The following SEMA5B variants were observed in gnomAD, a reference collection of about 807,000 sequenced individuals.
SEMA5B encodes semaphorin-5B.
In SEMA5B, 66 loss-of-function variants were observed where a neutral mutation model predicts 135.0. The observed-to-expected ratio is 0.49, with a 90% CI of 0.40 to 0.60. The LOEUF is 0.60. Among genes scored for constraint, SEMA5B ranks in the 20% least tolerant of loss-of-function variants. SEMA5B has a pLI of 0.00. For synonymous variants in SEMA5B, 690 were observed against 639.5 expected (o/e 1.08, Z -1.19); for missense variants, 1,501 against 1,566.3 (o/e 0.96, Z 0.70).
At chr3:123,000,704 C>T (rs900870963) in intron 1 of SEMA5B, among the ~76,000 whole-genome samples, 3 of 152,236 alleles carry the variant, frequency 2.0e-5, no homozygotes, top group East Asian at 1.9e-4. Flanking sequence ...CAGCTAAAGC[C>T]GGAACTCCAG....
chr3:122,919,419 C>T (rs1275392612), intron 12 of SEMA5B, among the ~76,000 whole-genome samples: 1 of 152,170 alleles, frequency 6.6e-6, no homozygotes, highest in Non-Finnish European at 1.5e-5. Context: ...CAGGCCAGGT[C>T]TTGGAGGTGC....
chr3:123,005,568 T>C (rs578007470), intron 1 of SEMA5B, among the ~76,000 whole-genome samples: 21 of 152,314 alleles, frequency 1.4e-4, no homozygotes, highest in African/African-American at 5.1e-4. Flanking sequence ...CTTGCTATGT[T>C]GCCCAGGCTT....
chr3:122,913,816 C>G, intron 15 of SEMA5B, 42 bp downstream of exon 15: 1 of 1,568,234 alleles, frequency 6.4e-7, no homozygotes, highest in African/African-American at 1.4e-5. Context: ...TCTGGGGGGC[C>G]CGGTTAGTCT....
At chr3:122,917,756 T>C (rs1414447441) in intron 12 of SEMA5B, among the ~76,000 whole-genome samples, 1 of 152,130 alleles carries the variant, frequency 6.6e-6, no homozygotes, top group Non-Finnish European at 1.5e-5. Context: ...CTGGGGTATC[T>C]GTTTCCAGTT....
intron 9 of SEMA5B, among the ~76,000 whole-genome samples, chr3:122,924,187 C>T (rs1454674066): frequency 6.6e-6 from 1 of 152,128 alleles, no homozygotes; most frequent in Non-Finnish European, 1.5e-5. Flanking sequence ...TATTTATTTA[C>T]AAAAGCTGAT....
chr3:122,944,872 A>G (rs1939714610), intron 3 of SEMA5B, among the ~76,000 whole-genome samples: 1 of 152,234 alleles, frequency 6.6e-6, no homozygotes, highest in Admixed American at 6.5e-5. Flanking sequence ...GGAGAGAGCC[A>G]TGGAGCAGAG....
In SEMA5B at chr3:122,939,485, A is replaced by T; in HGVS notation, c.429-15T>A. On this transcript the variant is annotated splice_polypyrimidine_tract_variant and intron_variant, in intron 4 of 22. Coordinates refer to ENST00000357599, the MANE Select transcript of SEMA5B (RefSeq NM_001031702.4). ...AGAGGTAGTTCCTGTGAAAATGGAAACAGACATCCTAAGTGACGCTGGTTC... is the reference window on the plus strand; with the variant it reads ...AGAGGTAGTTCCTGTGAAAATGGAATCAGACATCCTAAGTGACGCTGGTTC... 6.2e-7 allele frequency: 1 copy of T among 1,609,778 alleles called. No homozygotes were observed.
intron 10 of SEMA5B, 46 bp downstream of exon 10, chr3:122,923,571 G>A (rs1202502400): frequency 1.2e-6 from 2 of 1,609,800 alleles, no homozygotes; most frequent in African/African-American, 1.3e-5. Context: ...GTAATCTGGG[G>A]GTAAGGCAGT....
At chr3:122,986,579 G>A (rs963872499) in intron 1 of SEMA5B, among the ~76,000 whole-genome samples, 1 of 147,522 alleles carries the variant, frequency 6.8e-6, no homozygotes, top group Admixed American at 6.9e-5. Context: ...AGATGAGGCA[G>A]GCCCAGAGCA....
chr3:122,989,802 G>T (rs888960908), intron 1 of SEMA5B, among the ~76,000 whole-genome samples: 2 of 152,174 alleles, frequency 1.3e-5, no homozygotes, highest in Admixed American at 6.5e-5. Flanking sequence ...AGAGAAAATT[G>T]GTTCCCTGGG....
chr3:122,946,921 C>G (rs1001216211), intron 3 of SEMA5B, among the ~76,000 whole-genome samples: 5 of 152,062 alleles, frequency 3.3e-5, no homozygotes, highest in African/African-American at 1.2e-4. Flanking sequence ...CTCAAGGAAC[C>G]CAGGCACACA....
intron 1 of SEMA5B, among the ~76,000 whole-genome samples, chr3:122,995,225 C>T (rs1234267171): frequency 1.3e-5 from 2 of 152,164 alleles, no homozygotes; most frequent in Non-Finnish European, 2.9e-5. Context: ...AAATGTTAGT[C>T]TGGGGTTTTC....
intron 18 of SEMA5B, 105 bp from the exon 19 acceptor site, chr3:122,912,447 C>G (rs1937783041): frequency 9.1e-7 from 1 of 1,094,900 alleles, no homozygotes; most frequent in Non-Finnish European, 1.3e-6. Flanking sequence ...CCACAGTGAC[C>G]TCAACATCCA....
chr3:122,943,969 T>C (rs1320328515), intron 3 of SEMA5B, among the ~76,000 whole-genome samples: 2 of 152,190 alleles, frequency 1.3e-5, no homozygotes, highest in African/African-American at 4.8e-5. Context: ...CTAACCAGCC[T>C]GGCTTCCAGG....
intron 2 of SEMA5B, among the ~76,000 whole-genome samples, chr3:122,950,860 C>G (rs184309748): frequency 1.5e-4 from 23 of 152,310 alleles, no homozygotes; most frequent in Non-Finnish European, 3.1e-4. Context: ...GGAGATTGCC[C>G]AAATAACCTA....
intron 22 of SEMA5B, 107 bp downstream of exon 22, chr3:122,910,733 C>T: frequency 1.1e-6 from 1 of 889,682 alleles, no homozygotes; most frequent in Non-Finnish European, 1.6e-6. Context: ...TGGCGTGAAC[C>T]CGGGAGGCAG....
chr3:122,911,320 G>C (rs759321635), intron 21 of SEMA5B, 171 bp downstream of exon 21: 26 of 1,514,982 alleles, frequency 1.7e-5, no homozygotes, highest in Admixed American at 6.0e-5. Flanking sequence ...CTCCTAGCTG[G>C]GGGGGGCATG....
intron 5 of SEMA5B, among the ~76,000 whole-genome samples, chr3:122,936,080 T>C (rs1019568405): frequency 6.6e-6 from 1 of 152,192 alleles, no homozygotes; most frequent in Admixed American, 6.5e-5. Flanking sequence ...ATGTGCACCC[T>C]TTAAAATTTC....
At chr3:122,949,822 G>A (rs1939965705) in intron 2 of SEMA5B, among the ~76,000 whole-genome samples, 1 of 152,110 alleles carries the variant, frequency 6.6e-6, no homozygotes, top group African/African-American at 2.4e-5. Flanking sequence ...ACTGAACTCA[G>A]CACAAGAAGA....
Sources: allele counts gnomAD v4.1 joint callset (sites outside exome capture counted in the v4.1 genomes callset), GRCh38; gene constraint gnomAD v4.1.1; transcripts MANE v1.5; gene names NCBI Gene and HGNC (gene_info 2026-07-23, HGNC 2026-07-21).